Variants in C6orf141 observed in about 807,000 individuals in gnomAD.
C6orf141 encodes the protein uncharacterized protein C6orf141.
For missense variants in C6orf141, 361 were observed against 335.8 expected (o/e 1.07, Z -0.59); for synonymous variants, 164 against 140.5 (o/e 1.17, Z -1.18).
Position 49,551,930 on chromosome 6 carries a change from G to A in C6orf141, c.*403G>A. ...GAAGTCTGCTCTCTGCAAAGAGGGTGGGAGTGGGTGGAGAAGAGGCTTGTT... is the reference window on the plus strand; with the variant it reads ...GAAGTCTGCTCTCTGCAAAGAGGGTAGGAGTGGGTGGAGAAGAGGCTTGTT... On this transcript the variant is annotated 3_prime_UTR_variant, in exon 1 of 1. Transcript: ENST00000529246. 3 of 1,037,244 alleles carry A rather than the reference G, an allele frequency of 2.9e-6. No individual in the cohort carries two copies. The highest frequency in any genetic ancestry group is 3.5e-6 in the Non-Finnish European group (3 of 854,674). 64.3% of individuals were successfully genotyped at this position (1,037,244 alleles called of 1,614,324 possible).
intron 4 of C6orf141, among the ~76,000 whole-genome samples, chr6:49,560,269 C>T (rs1306706860): frequency 6.6e-6 from 1 of 151,748 alleles, no homozygotes; most frequent in East Asian, 2.0e-4. Flanking sequence ...GAGCCGAGAT[C>T]GCGCCACCGC....
At position 49,550,783 on chromosome 6, in the gene C6orf141, G is replaced by A; in HGVS notation, c.-10G>A. On this transcript the variant is annotated 5_prime_UTR_variant, in exon 1 of 1. Coordinates refer to ENST00000529246, the MANE Select transcript of C6orf141 (RefSeq NM_001145652.2). ...GCGCTTGCTGCTTGAACCGGTCAAA[G>A]AAGGAACGAATGAATGACCCTTTTG... is the stretch of plus-strand genomic sequence containing the variant. 1 of 1,452,818 alleles carries A rather than the reference G, an allele frequency of 6.9e-7. No homozygotes were observed. Among genetic ancestry groups the A allele is most frequent in the South Asian group, 1.5e-5 (1 of 66,622 alleles). The allele number at this position is 1,452,818 out of a possible 1,614,324, so 90.0% of individuals were successfully genotyped here.
At chr6:49,556,197 G>A (rs910327965), downstream of C6orf141, among the ~76,000 whole-genome samples, 13 of 152,188 alleles carry the variant, frequency 8.5e-5, no homozygotes, top group Admixed American at 6.5e-5. Context: ...TCACATTAAA[G>A]TTTGAGAAAC....
chr6:49,554,785 A>G (rs1003437638), downstream of C6orf141: 1 of 152,176 alleles, frequency 6.6e-6, no homozygotes, highest in African/African-American at 2.4e-5. Flanking sequence ...TTAACTGCCT[A>G]GAACATGTTT....
In C6orf141 at chr6:49,551,693, T is replaced by C. The variant is rs1770653708; in HGVS notation, c.*166T>C. 3.5e-6 allele frequency: 5 copies of C among 1,441,250 alleles called. No individual in the cohort carries two copies. The highest frequency in any genetic ancestry group is 4.6e-6 in the Non-Finnish European group (5 of 1,097,482). 89.3% of individuals were successfully genotyped at this position (1,441,250 alleles called of 1,614,324 possible). A position where few individuals can be genotyped will look rare whatever the true frequency, so the allele number is the denominator to read the frequency against. ...TAAGAACTGTAAGCAGCATAATACC[T>C]CCTTTGTGGCTTGAATTCCTTCGCT... is the stretch of plus-strand genomic sequence containing the variant. On this transcript the variant is annotated 3_prime_UTR_variant, in exon 1 of 1. Transcript: ENST00000529246.
At position 49,551,950 on chromosome 6, in the gene C6orf141, C is replaced by G; in HGVS notation, c.*423C>G. ...AGGGTGGGAGTGGGTGGAGAAGAGG[C>G]TTGTTTTAAAAGCCAAAAACAGAAA... On this transcript the variant is annotated 3_prime_UTR_variant, in exon 1 of 1. Transcript: ENST00000529246. 9.9e-7 allele frequency: 1 copy of G among 1,013,352 alleles called. No individual in the cohort carries two copies. The highest frequency in any genetic ancestry group is 1.2e-6 in the Non-Finnish European group (1 of 839,196). The allele number at this position is 1,013,352 out of a possible 1,614,324, so 62.8% of individuals were successfully genotyped here. A position where few individuals can be genotyped will look rare whatever the true frequency, so the allele number is the denominator to read the frequency against.
chr6:49,551,604 A>G lies in C6orf141; in HGVS notation c.*77A>G, dbSNP rs901285930. On this transcript the variant is annotated 3_prime_UTR_variant, in exon 1 of 1. Coordinates refer to ENST00000529246, the MANE Select transcript of C6orf141 (RefSeq NM_001145652.2). ...AGAAAATGCTATTCTGGGAGCTCCA[A>G]CCTGCAATTAACCTACAGAAGGAAC... 6 of 1,519,962 alleles carry G rather than the reference A, an allele frequency of 3.9e-6. No individual in the cohort carries two copies. The highest frequency in any genetic ancestry group is 2.3e-4 in the Middle Eastern group (1 of 4,302). The allele number at this position is 1,519,962 out of a possible 1,614,324, so 94.2% of individuals were successfully genotyped here.
chr6:49,551,902 T>C lies in C6orf141; in HGVS notation c.*375T>C. 9.1e-7 allele frequency: 1 copy of C among 1,102,366 alleles called. No homozygotes were observed. The highest frequency in any genetic ancestry group is 1.1e-6 in the Non-Finnish European group (1 of 893,840). The allele number at this position is 1,102,366 out of a possible 1,614,324, so 68.3% of individuals were successfully genotyped here. A position where few individuals can be genotyped will look rare whatever the true frequency, so the allele number is the denominator to read the frequency against. On this transcript the variant is annotated 3_prime_UTR_variant, in exon 1 of 1. Transcript: ENST00000529246. ...TTAGGACCTAGAAACAGAAGTGAAG[T>C]TTGAAGTCTGCTCTCTGCAAAGAGG...
Position 49,551,629 on chromosome 6 carries a change from C to A in C6orf141, c.*102C>A, listed in dbSNP as rs1770630765. 24 of 1,499,186 alleles carry A rather than the reference C, an allele frequency of 1.6e-5. 1 individual carries two copies. Among genetic ancestry groups the A allele is most frequent in the Middle Eastern group, 2.4e-4 (1 of 4,120 alleles). The allele number at this position is 1,499,186 out of a possible 1,614,324, so 92.9% of individuals were successfully genotyped here. ...ACCTGCAATTAACCTACAGAAGGAA[C>A]CTTTTGAGAGGCTGGTGCAGCGCTT... On this transcript the variant is annotated 3_prime_UTR_variant, in exon 1 of 1. Coordinates refer to ENST00000529246, the MANE Select transcript of C6orf141 (RefSeq NM_001145652.2).
At chr6:49,556,347 A>T (rs1771934694), downstream of C6orf141, among the ~76,000 whole-genome samples, 1 of 152,252 alleles carries the variant, frequency 6.6e-6, no homozygotes, top group Non-Finnish European at 1.5e-5. Context: ...AACACAGTTA[A>T]AGATTACAGG....
At position 49,551,230 on chromosome 6, in the gene C6orf141, C is replaced by G. The variant is rs1343358433; in HGVS notation, c.438C>G (p.Ala146=). Residue 146 remains alanine (A), a synonymous_variant, in exon 1 of 1, where the codon GCC becomes GCG. Transcript: ENST00000529246. The stretch of plus-strand genomic sequence containing the variant: ...AGCGAATTTCTGGCAGGCGTGTAGC[C>G]CCGCCGCGGGACGCAGCAGACCCAC... ...RQKRISGRRV[A]PPRDAADPPK... is the part of the protein sequence containing the mutation. 1.3e-6 allele frequency: 2 copies of G among 1,551,464 alleles called. No homozygotes were observed. The highest frequency in any genetic ancestry group is 1.7e-6 in the Non-Finnish European group (2 of 1,146,938).
chr6:49,557,428 C>A (rs374666550), intron 4 of C6orf141, among the ~76,000 whole-genome samples: 8 of 152,268 alleles, frequency 5.3e-5, no homozygotes, highest in African/African-American at 1.9e-4. Flanking sequence ...AATAGGAAAG[C>A]TTTGTAGTGG....
chr6:49,558,145 C>T (rs1202059431), intron 4 of C6orf141, among the ~76,000 whole-genome samples: 1 of 146,264 alleles, frequency 6.8e-6, no homozygotes, highest in African/African-American at 2.5e-5. Flanking sequence ...CTCAATGATC[C>T]ACTTGCCTTG....
At position 49,551,473 on chromosome 6, in the gene C6orf141, G is replaced by A; in HGVS notation, c.681G>A (p.Ala227=). 1 of 1,551,582 alleles carries A rather than the reference G, an allele frequency of 6.4e-7. No homozygotes were observed. The highest frequency in any genetic ancestry group is 8.7e-7 in the Non-Finnish European group (1 of 1,146,990). Residue 227 remains alanine, a synonymous_variant, in exon 1 of 1, where the codon GCG becomes GCA. Coordinates refer to ENST00000529246, the MANE Select transcript of C6orf141 (RefSeq NM_001145652.2). ...ARTGASRVHA[A]GRRVSPSPGT... is the part of the protein sequence containing the mutation. Reference sequence around the variant, plus strand: ...CAGGGGCATCCCGCGTCCACGCCGCGGGGAGGAGGGTTTCACCGTCTCCAG... The same window carrying A: ...CAGGGGCATCCCGCGTCCACGCCGCAGGGAGGAGGGTTTCACCGTCTCCAG...
At chr6:49,556,943 T>A (rs1194909663), downstream of C6orf141, among the ~76,000 whole-genome samples, 1 of 152,170 alleles carries the variant, frequency 6.6e-6, no homozygotes, top group African/African-American at 2.4e-5. Context: ...AATTCAAACT[T>A]ACATTTCTAA....
downstream of C6orf141, among the ~76,000 whole-genome samples, chr6:49,556,929 A>T (rs1772059011): frequency 6.6e-6 from 1 of 152,216 alleles, no homozygotes; most frequent in Non-Finnish European, 1.5e-5. Flanking sequence ...CAAGGAACTA[A>T]CCAAATTCAA....
At chr6:49,559,456 GT>G (rs1421295646) in intron 4 of C6orf141, among the ~76,000 whole-genome samples, 4 of 151,892 alleles carry the variant, frequency 2.6e-5, no homozygotes, top group African/African-American at 9.7e-5. Flanking sequence ...AAAATGCTAT[GT>G]AATGGATGAG....
chr6:49,550,883 C>A lies in C6orf141; in HGVS notation c.91C>A (p.Pro31Thr). ...DSSRSLGDLG[P>T]FPREVGRGAP... ...CTCCCGCAGCCTGGGGGACCTCGGGCCTTTTCCGCGGGAGGTAGGGCGCGG... is the reference window on the plus strand; with the variant it reads ...CTCCCGCAGCCTGGGGGACCTCGGGACTTTTCCGCGGGAGGTAGGGCGCGG... Residue 31 changes from proline to threonine, a missense_variant, in exon 1 of 1, where the codon CCT (proline) becomes ACT (threonine). Pro to Thr is a conservative substitution (Grantham distance 38). Coordinates refer to ENST00000529246, the MANE Select transcript of C6orf141 (RefSeq NM_001145652.2). 6.6e-7 allele frequency: 1 copy of A among 1,520,346 alleles called. No individual in the cohort carries two copies. 94.2% of individuals were successfully genotyped at this position (1,520,346 alleles called of 1,614,324 possible). A position where few individuals can be genotyped will look rare whatever the true frequency, so the allele number is the denominator to read the frequency against.
intron 4 of C6orf141, among the ~76,000 whole-genome samples, chr6:49,559,207 TATATATATATATATATATATATATA>T: frequency 3.3e-5 from 3 of 91,764 alleles, no homozygotes; most frequent in Non-Finnish European, 4.3e-5. Flanking sequence ...TATATATATA[TATATATATATATATATATATATATA>T]TTCAGTCTTT....
Sources: gnomAD v4.1 joint callset for allele counts (sites outside exome capture counted in the v4.1 genomes callset) on GRCh38, gnomAD v4.1.1 for gene constraint, MANE v1.5 for transcripts, NCBI Gene and HGNC (gene_info 2026-07-23, HGNC 2026-07-21) for gene names.